The following MROH9 variants were observed in gnomAD, a reference collection of about 807,000 sequenced individuals.
MROH9 encodes maestro heat like repeat family member 9.
A neutral mutation model predicts 98.2 loss-of-function variants in MROH9; 92 were observed. The ratio of observed to expected loss-of-function variants is 0.94; its 90% confidence interval spans 0.79 to 1.11. The LOEUF (loss-of-function observed/expected upper bound fraction) is 1.11, where lower values mean the gene tolerates loss of function less well. Among genes scored for constraint, MROH9 ranks in the 50% most tolerant of loss-of-function variants. The pLI, the probability that MROH9 is intolerant of heterozygous loss-of-function variation, is 0.00. For synonymous variants in MROH9, 397 were observed against 368.9 expected, an observed-to-expected ratio of 1.08 and a Z score of -0.87; for missense variants, 1,057 against 1,014.8, an observed-to-expected ratio of 1.04 and a Z score of -0.57.
intron 20 of MROH9, among the ~76,000 whole-genome samples, chr1:171,031,815 T>C (rs1230190694): frequency 1.3e-5 from 2 of 152,202 alleles, no homozygotes; most frequent in Non-Finnish European, 2.9e-5. Context: ...TGAATTTGCA[T>C]GTTGGCCTGT....
intron 15 of MROH9, among the ~76,000 whole-genome samples, chr1:171,008,123 T>C (rs549603323): frequency 6.4e-4 from 97 of 152,354 alleles, no homozygotes; most frequent in African/African-American, 2.1e-3. Context: ...GAAATGCTTC[T>C]ATTTCACTAT....
intron 17 of MROH9, among the ~76,000 whole-genome samples, chr1:171,016,666 G>A (rs1652337476): frequency 6.6e-6 from 1 of 152,080 alleles, no homozygotes; most frequent in Non-Finnish European, 1.5e-5. Flanking sequence ...AACACTGAGT[G>A]AGTGATTTCT....
In MROH9 at chr1:170,986,625, T is replaced by C; in HGVS notation, c.794T>C (p.Leu265Pro). 1 of 1,613,844 alleles carries C rather than the reference T, an allele frequency of 6.2e-7. No individual in the cohort carries two copies. Among genetic ancestry groups the C allele is most frequent in the Non-Finnish European group, 8.5e-7 (1 of 1,179,898 alleles). The change falls in exon 10 of 22, where the codon CTC becomes CCC. Residue 265 changes from leucine to proline, a missense_variant. Leu to Pro is a moderately conservative substitution (Grantham distance 98). Transcript: ENST00000367759. ...TTTGTGCAGAGTCTCCTGATGAAACTCTCTTCACCTGATGATAAAATCGCA... is the reference window on the plus strand; with the variant it reads ...TTTGTGCAGAGTCTCCTGATGAAACCCTCTTCACCTGATGATAAAATCGCA... ...TDFVQSLLMK[L>P]SSPDDKIASD... is the part of the protein sequence containing the mutation.
intron 20 of MROH9, among the ~76,000 whole-genome samples, chr1:171,054,018 A>G (rs72712616): frequency 0.089 from 13,591 of 152,278 alleles, 757 homozygotes; most frequent in Middle Eastern, 0.22. Context: ...ATAAAAGGAA[A>G]TGAAACATTC....
intron 17 of MROH9, among the ~76,000 whole-genome samples, chr1:171,020,457 A>C (rs1336734175): frequency 1.3e-5 from 2 of 152,246 alleles, no homozygotes; most frequent in Non-Finnish European, 2.9e-5. Flanking sequence ...GCCTGGTTCA[A>C]CATATACAAA....
At chr1:170,947,642 C>T in intron 3 of MROH9, 69 bp downstream of exon 3, 4 of 1,327,002 alleles carry the variant, frequency 3.0e-6, no homozygotes, top group Non-Finnish European at 3.2e-6. Context: ...TTTACTGTTT[C>T]CATTACAAGG....
intron 20 of MROH9, among the ~76,000 whole-genome samples, chr1:171,036,562 C>G (rs1401206680): frequency 2.6e-5 from 4 of 152,022 alleles, no homozygotes; most frequent in East Asian, 3.9e-4. Flanking sequence ...CTTAGACTCT[C>G]TCACACAGGT....
chr1:171,032,613 A>C (rs990523915), intron 20 of MROH9, among the ~76,000 whole-genome samples: 8 of 152,074 alleles, frequency 5.3e-5, no homozygotes, highest in African/African-American at 1.7e-4. Context: ...GATGTCACTC[A>C]AGGAGGCTGG....
At chr1:170,972,280 G>A (rs1650488155) in intron 8 of MROH9, among the ~76,000 whole-genome samples, 2 of 152,132 alleles carry the variant, frequency 1.3e-5, no homozygotes, top group African/African-American at 2.4e-5. Flanking sequence ...ATAAGACTAG[G>A]ATTAAAATAA....
intron 3 of MROH9, among the ~76,000 whole-genome samples, chr1:170,949,647 A>C (rs1571440231): frequency 6.6e-6 from 1 of 151,944 alleles, no homozygotes; most frequent in Non-Finnish European, 1.5e-5. Context: ...AAAACCAAAA[A>C]CCAAAACACA....
rs1468149840 is a variant in MROH9 at position 170,986,719 on chromosome 1, C to A, written c.879+9C>A. ...CCGAGAAGGTCACCATGGTAAGATA[C>A]TTGACAATAAGCAGGAGAGCACAGG... is the stretch of plus-strand genomic sequence containing the variant. On this transcript the variant is annotated intron_variant, in intron 10 of 21. Transcript: ENST00000367759. The A allele has an allele frequency of 6.2e-7, 1 of 1,612,424 alleles. No individual in the cohort carries two copies. Among genetic ancestry groups the A allele is most frequent in the Non-Finnish European group, 8.5e-7 (1 of 1,179,184 alleles).
intron 1 of MROH9, among the ~76,000 whole-genome samples, chr1:170,937,154 T>C (rs189158725): frequency 3.1e-4 from 47 of 152,326 alleles, no homozygotes; most frequent in African/African-American, 1.1e-3. Flanking sequence ...TTTTCTTACA[T>C]ACAACTGAGT....
intron 3 of MROH9, among the ~76,000 whole-genome samples, chr1:170,947,834 A>G (rs1469157858): frequency 1.3e-5 from 2 of 151,844 alleles, no homozygotes; most frequent in African/African-American, 2.4e-5. Context: ...CCATCCTACT[A>G]TTTATCCCAC....
At chr1:170,968,409 C>A (rs1204514698) in intron 7 of MROH9, among the ~76,000 whole-genome samples, 2 of 152,140 alleles carry the variant, frequency 1.3e-5, no homozygotes, top group Non-Finnish European at 2.9e-5. Context: ...TGACCCCAGC[C>A]TCCCTCCCAG....
chr1:171,049,853 G>A (rs1653608257), intron 20 of MROH9, among the ~76,000 whole-genome samples: 1 of 151,784 alleles, frequency 6.6e-6, no homozygotes. Flanking sequence ...ACTGATTTTT[G>A]TATTGTTTTG....
intron 20 of MROH9, among the ~76,000 whole-genome samples, chr1:171,056,834 T>G (rs1051915190): frequency 6.6e-6 from 1 of 152,108 alleles, no homozygotes; most frequent in Non-Finnish European, 1.5e-5. Context: ...GAATAGGGCA[T>G]GAAGTGGACC....
intron 15 of MROH9, among the ~76,000 whole-genome samples, chr1:171,009,233 TAAATC>T (rs1272671145): frequency 3.3e-5 from 5 of 151,824 alleles, no homozygotes; most frequent in Non-Finnish European, 7.4e-5. Flanking sequence ...AGAATAAAAT[TAAATC>T]AAGAAGAAGA....
intron 3 of MROH9, among the ~76,000 whole-genome samples, chr1:170,948,248 A>G (rs1320333023): frequency 6.6e-6 from 1 of 152,018 alleles, no homozygotes; most frequent in East Asian, 1.9e-4. Flanking sequence ...GAGGGCTACC[A>G]TAAGAAAATA....
intron 17 of MROH9, among the ~76,000 whole-genome samples, chr1:171,018,260 G>A (rs1179909797): frequency 6.6e-6 from 1 of 151,970 alleles, no homozygotes. Flanking sequence ...CAGATGAATA[G>A]GGCCTAAAGT....
Sources: gnomAD v4.1 joint callset for allele counts (sites outside exome capture counted in the v4.1 genomes callset) on GRCh38, gnomAD v4.1.1 for gene constraint, MANE v1.5 for transcripts, NCBI Gene and HGNC (gene_info 2026-07-23, HGNC 2026-07-21) for gene names.